SORBS2: variants seen among roughly 807,000 people sequenced by gnomAD.
SORBS2 encodes the protein sorbin and SH3 domain-containing protein 2.
In SORBS2, 46 loss-of-function variants were observed where a neutral mutation model predicts 97.7. The observed-to-expected ratio is 0.47, with a 90% CI of 0.37 to 0.60. SORBS2 has a LOEUF of 0.60. SORBS2 is among the 20% of genes least tolerant of loss of function. The pLI, the probability that SORBS2 is intolerant of heterozygous loss-of-function variation, is 0.00. For missense variants in SORBS2, 1,316 were observed against 1,282.3 expected, an observed-to-expected ratio of 1.03 and a Z score of -0.40; for synonymous variants, 476 against 473.4, an observed-to-expected ratio of 1.01 and a Z score of -0.07.
At chr4:185,795,232 C>T (rs919673095) in intron 1 of SORBS2, among the ~76,000 whole-genome samples, 3 of 152,122 alleles carry the variant, frequency 2.0e-5, no homozygotes, top group African/African-American at 7.2e-5. Context: ...GGGTAAATTT[C>T]AACAGAGATA....
chr4:185,787,465 C>A (rs572778383), intron 1 of SORBS2, among the ~76,000 whole-genome samples: 2 of 152,178 alleles, frequency 1.3e-5, no homozygotes, highest in African/African-American at 2.4e-5. Context: ...AACTGTTATA[C>A]GACCCGAGGG....
At chr4:185,844,612 G>A (rs1260398797) in intron 1 of SORBS2, among the ~76,000 whole-genome samples, 1 of 152,164 alleles carries the variant, frequency 6.6e-6, no homozygotes, top group Non-Finnish European at 1.5e-5. Flanking sequence ...TTCTACTCCT[G>A]TGTAAAAAGT....
intron 1 of SORBS2, among the ~76,000 whole-genome samples, chr4:185,837,275 G>T (rs1038998151): frequency 3.3e-5 from 5 of 152,064 alleles, no homozygotes; most frequent in Non-Finnish European, 7.4e-5. Context: ...TGAAAGGCCA[G>T]AACTGCCTAC....
intron 4 of SORBS2, among the ~76,000 whole-genome samples, chr4:185,669,777 G>A (rs558065272): frequency 5.3e-5 from 8 of 152,194 alleles, no homozygotes; most frequent in East Asian, 1.9e-4. Context: ...TGGGTCTGGC[G>A]TTTTTAATGC....
At chr4:185,691,584 G>C (rs1454638726) in intron 2 of SORBS2, among the ~76,000 whole-genome samples, 1 of 152,072 alleles carries the variant, frequency 6.6e-6, no homozygotes, top group Non-Finnish European at 1.5e-5. Context: ...CAAGAAAGAT[G>C]AGATTCATCT....
chr4:185,756,866 G>T (rs933308132), intron 2 of SORBS2, among the ~76,000 whole-genome samples: 1 of 151,868 alleles, frequency 6.6e-6, no homozygotes, highest in African/African-American at 2.4e-5. Context: ...CTAAGATATC[G>T]AGTGGCAAGT....
chr4:185,704,258 C>A (rs2098307660), intron 2 of SORBS2, among the ~76,000 whole-genome samples: 1 of 152,156 alleles, frequency 6.6e-6, no homozygotes, highest in South Asian at 2.1e-4. Flanking sequence ...AACCTCACCC[C>A]ATTTTTCCAG....
intron 1 of SORBS2, among the ~76,000 whole-genome samples, chr4:185,924,304 A>C (rs565771145): frequency 3.9e-5 from 6 of 152,300 alleles, no homozygotes; most frequent in African/African-American, 1.4e-4. Context: ...CTGCCTTAGA[A>C]GTTTGGGGAA....
intron 1 of SORBS2, among the ~76,000 whole-genome samples, chr4:185,934,263 T>C (rs1435450214): frequency 6.6e-6 from 1 of 152,206 alleles, no homozygotes; most frequent in Non-Finnish European, 1.5e-5. Flanking sequence ...ACAGATGATT[T>C]TCAGAACCGC....
chr4:185,631,428 A>G lies in SORBS2; in HGVS notation c.397-830T>C, dbSNP rs139948481. On this transcript the variant is annotated intron_variant, in intron 4 of 14. Transcript: ENST00000418609. ...AAAAGGCAAGAGAGGACACTGAGCT[A>G]TCAAGTGTTTGAGGTGACACTGTGG... Among the ~76,000 whole-genome samples, 769 of 152,342 alleles carry G rather than the reference A, an allele frequency of 5.0e-3. 12 individuals are homozygous for G. Among genetic ancestry groups the G allele is most frequent in the Admixed American group, 0.042 (646 of 15,298 alleles).
At chr4:185,746,137 G>C (rs1361342716) in intron 2 of SORBS2, among the ~76,000 whole-genome samples, 1 of 152,108 alleles carries the variant, frequency 6.6e-6, no homozygotes, top group Non-Finnish European at 1.5e-5. Context: ...CTGCGCCTCT[G>C]GGACTTGAAA....
At chr4:185,762,429 A>C (rs2098901510) in intron 2 of SORBS2, among the ~76,000 whole-genome samples, 1 of 152,116 alleles carries the variant, frequency 6.6e-6, no homozygotes, top group African/African-American at 2.4e-5. Context: ...AGGTGAACTC[A>C]GGGAAGATTA....
intron 2 of SORBS2, among the ~76,000 whole-genome samples, chr4:185,748,233 G>C (rs1489388147): frequency 6.6e-6 from 1 of 152,180 alleles, no homozygotes; most frequent in African/African-American, 2.4e-5. Flanking sequence ...GTAGGGCTGG[G>C]CTTTCATGAA....
chr4:185,895,178 C>T (rs2099244423), intron 1 of SORBS2, among the ~76,000 whole-genome samples: 1 of 152,230 alleles, frequency 6.6e-6, no homozygotes, highest in Non-Finnish European at 1.5e-5. Flanking sequence ...CAGCCTACCT[C>T]TCTTATGAGT....
At chr4:185,938,474 C>G (rs1049128747) in intron 1 of SORBS2, among the ~76,000 whole-genome samples, 5 of 151,312 alleles carry the variant, frequency 3.3e-5, no homozygotes, top group African/African-American at 1.2e-4. Flanking sequence ...TCCACAAACT[C>G]CAGACTGAAC....
chr4:185,646,104 C>A (rs1479978456), intron 4 of SORBS2: 1 of 152,132 alleles, frequency 6.6e-6, no homozygotes, highest in African/African-American at 2.4e-5. Context: ...GCAATTAAAA[C>A]AACTTGTTAT....
chr4:185,938,911 A>G (rs971880706), intron 1 of SORBS2, among the ~76,000 whole-genome samples: 2 of 152,208 alleles, frequency 1.3e-5, no homozygotes, highest in Non-Finnish European at 2.9e-5. Context: ...CGAAAGCAAC[A>G]AAGAAAAAGG....
intron 1 of SORBS2, chr4:185,932,798 A>G (rs2099267118): frequency 6.6e-6 from 1 of 152,234 alleles, no homozygotes; most frequent in Non-Finnish European, 1.5e-5. Context: ...TGAAGAAAAC[A>G]CAGCTTTTCC....
At chr4:185,659,441 G>C (rs1293980559), upstream of SORBS2, among the ~76,000 whole-genome samples, 1 of 146,708 alleles carries the variant, frequency 6.8e-6, no homozygotes, top group Non-Finnish European at 1.5e-5. Context: ...TTTTGAGACG[G>C]AGTCTTGCTC....
Sources: allele counts gnomAD v4.1 joint callset (sites outside exome capture counted in the v4.1 genomes callset), GRCh38; gene constraint gnomAD v4.1.1; transcripts MANE v1.5; gene names NCBI Gene and HGNC (gene_info 2026-07-23, HGNC 2026-07-21).